Variants in PCDH15 observed in about 807,000 individuals in gnomAD.
The protein encoded by PCDH15 is protocadherin-15.
In PCDH15, 129 loss-of-function variants were observed where a neutral mutation model predicts 178.5. The ratio of observed to expected loss-of-function variants is 0.72; its 90% CI spans 0.63 to 0.84. PCDH15 has a LOEUF of 0.84. Ranked by LOEUF, PCDH15 falls within the 40% of genes least tolerant of loss-of-function variation. PCDH15 has a pLI of 0.00. For missense variants in PCDH15, 2,230 were observed against 2,099.9 expected (o/e 1.06, Z -1.21); for synonymous variants, 800 against 732.0 (o/e 1.09, Z -1.50).
At chr10:54,218,407 A>G (rs1020855862) in intron 9 of PCDH15, among the ~76,000 whole-genome samples, 1 of 152,166 alleles carries the variant, frequency 6.6e-6, no homozygotes, top group Non-Finnish European at 1.5e-5. Flanking sequence ...CTTACTCCCA[A>G]TGTGACCATT....
intron 11 of PCDH15, among the ~76,000 whole-genome samples, chr10:54,190,723 T>C (rs895344998): frequency 6.6e-6 from 1 of 152,336 alleles, no homozygotes; most frequent in East Asian, 1.9e-4. Flanking sequence ...ATGATTTACC[T>C]TGAAGTAAAA....
chr10:55,042,504 A>G (rs1840889043), intron 2 of PCDH15, among the ~76,000 whole-genome samples: 1 of 152,140 alleles, frequency 6.6e-6, no homozygotes, highest in Non-Finnish European at 1.5e-5. Flanking sequence ...GCTGCAATAA[A>G]TGTATTCATA....
At chr10:55,089,710 C>T (rs1464620795) in intron 2 of PCDH15, among the ~76,000 whole-genome samples, 2 of 152,046 alleles carry the variant, frequency 1.3e-5, no homozygotes, top group African/African-American at 2.4e-5. Context: ...ATTTAGAGAA[C>T]ACACATCTTA....
intron 15 of PCDH15, among the ~76,000 whole-genome samples, chr10:54,106,671 A>T (rs1436182808): frequency 6.6e-6 from 1 of 152,220 alleles, no homozygotes; most frequent in Non-Finnish European, 1.5e-5. Context: ...AGGTTCGTAC[A>T]ATATGAAGTG....
intron 28 of PCDH15, among the ~76,000 whole-genome samples, chr10:53,842,581 C>G (rs1437092633): frequency 1.3e-5 from 2 of 152,048 alleles, no homozygotes; most frequent in Non-Finnish European, 2.9e-5. Flanking sequence ...AAATAATGTA[C>G]CACATGGGGC....
intron 2 of PCDH15, among the ~76,000 whole-genome samples, chr10:55,582,761 TA>T (rs1403444576): frequency 6.6e-6 from 1 of 151,218 alleles, no homozygotes; most frequent in African/African-American, 2.4e-5. Context: ...ATTTATTAAT[TA>T]AATCCATAGG....
chr10:54,280,794 G>T lies in PCDH15; in HGVS notation c.876+36477C>A, dbSNP rs555293729. Reference sequence around the variant, plus strand: ...AGCCAGTATTTTACATTAAGTAATTGTTCTATTTCTCGACTTTTGCTGGCC... The same window carrying T: ...AGCCAGTATTTTACATTAAGTAATTTTTCTATTTCTCGACTTTTGCTGGCC... On this transcript the variant is annotated intron_variant, in intron 8 of 37. Coordinates refer to ENST00000644397, the MANE Select transcript of PCDH15 (RefSeq NM_001384140.1). Among the ~76,000 whole-genome samples the T allele has an allele frequency of 4.0e-5, 6 of 151,662 alleles. No individual in the cohort carries two copies. The East Asian group carries it at 1.2e-3, about 29-fold the overall frequency.
intron 2 of PCDH15, among the ~76,000 whole-genome samples, chr10:54,617,922 CAAAA>C (rs3071002): frequency 4.0e-5 from 5 of 125,066 alleles, no homozygotes; most frequent in Admixed American, 8.1e-5. Context: ...GACTCCATTT[CAAAA>C]AAAAAAAAAA....
chr10:55,546,762 A>G (rs1481766225), intron 2 of PCDH15, among the ~76,000 whole-genome samples: 1 of 152,146 alleles, frequency 6.6e-6, no homozygotes, highest in Non-Finnish European at 1.5e-5. Flanking sequence ...TTGAACTCCC[A>G]TCTTGTTCTC....
At chr10:54,705,242 G>T (rs1026853439) in intron 1 of PCDH15, among the ~76,000 whole-genome samples, 1 of 151,958 alleles carries the variant, frequency 6.6e-6, no homozygotes, top group Admixed American at 6.6e-5. Context: ...GAAATAATCT[G>T]TACATTGCAC....
intron 15 of PCDH15, among the ~76,000 whole-genome samples, chr10:54,099,982 A>C (rs528806959): frequency 1.6e-3 from 251 of 152,292 alleles, no homozygotes; most frequent in South Asian, 4.1e-3. Flanking sequence ...ATGAAATAAA[A>C]AATACTTCAA....
chr10:55,527,626 A>G (rs1426390292), intron 2 of PCDH15, among the ~76,000 whole-genome samples: 1 of 151,962 alleles, frequency 6.6e-6, no homozygotes, highest in African/African-American at 2.4e-5. Flanking sequence ...ATGAATATAC[A>G]TGAATTTTGT....
At chr10:54,349,368 T>C (rs1047538482) in intron 5 of PCDH15, among the ~76,000 whole-genome samples, 1 of 152,198 alleles carries the variant, frequency 6.6e-6, no homozygotes, top group Non-Finnish European at 1.5e-5. Flanking sequence ...AATAAATATT[T>C]ATATGACAGA....
At chr10:54,766,809 A>G (rs888584537) in intron 1 of PCDH15, among the ~76,000 whole-genome samples, 1 of 151,964 alleles carries the variant, frequency 6.6e-6, no homozygotes, top group Admixed American at 6.6e-5. Flanking sequence ...GGCGCCTGTA[A>G]GTCCCAGCTA....
rs903776939 is a variant in PCDH15 at position 54,235,898 on chromosome 10, T to C, written c.985+925A>G. 2.0e-5 allele frequency among the ~76,000 whole-genome samples: 3 copies of C among 152,344 alleles called. No homozygotes were observed. In the South Asian group the frequency reaches 6.2e-4, roughly 32 times the overall value. On this transcript the variant is annotated intron_variant, in intron 9 of 37. Transcript: ENST00000644397. ...AAAAGTCTGAGCTCTGCTTATGATA[T>C]TTGTGTCTTTATAAAGACCAAAGGC...
intron 3 of PCDH15, among the ~76,000 whole-genome samples, chr10:54,832,084 A>G (rs1220830905): frequency 6.6e-6 from 1 of 152,126 alleles, no homozygotes; most frequent in Non-Finnish European, 1.5e-5. Flanking sequence ...TGAAGTATCT[A>G]CATTTCTAAA....
rs548832142 is a variant in PCDH15, at chr10:55,462,499, T to C, written c.-156+165126A>G. On this transcript the variant is annotated intron_variant, in intron 2 of 5. Transcript: ENST00000613346. ...TTCTGAGTATGGCAAGGAGTATCAATGTTTCCATTGTTGCTTTAAAGCATT... is the reference window on the plus strand; with the variant it reads ...TTCTGAGTATGGCAAGGAGTATCAACGTTTCCATTGTTGCTTTAAAGCATT... 2.4e-3 allele frequency among the ~76,000 whole-genome samples: 369 copies of C among 152,270 alleles called. 2 individuals carry two copies. The highest frequency in any genetic ancestry group is 8.6e-3 in the African/African-American group (357 of 41,568).
intron 32 of PCDH15, among the ~76,000 whole-genome samples, chr10:53,824,057 C>CCAAT (rs569152858): frequency 4.4e-4 from 67 of 151,848 alleles, no homozygotes; most frequent in African/African-American, 7.0e-4. Context: ...ATAAATAGTA[C>CCAAT]CAATCAGAAA....
chr10:53,851,988 C>T (rs1190131740), intron 28 of PCDH15, among the ~76,000 whole-genome samples: 3 of 151,708 alleles, frequency 2.0e-5, no homozygotes, highest in Non-Finnish European at 2.9e-5. Flanking sequence ...GTTTGAGCAA[C>T]TCTGAGAAAT....
Sources: gnomAD v4.1 joint callset for allele counts (sites outside exome capture counted in the v4.1 genomes callset) on GRCh38, gnomAD v4.1.1 for gene constraint, MANE v1.5 for transcripts, NCBI Gene and HGNC (gene_info 2026-07-23, HGNC 2026-07-21) for gene names.